Variants in EPS8 observed in about 807,000 individuals in gnomAD.
The protein encoded by EPS8 is epidermal growth factor receptor kinase substrate 8.
Under a neutral mutation model 103.8 loss-of-function variants are expected in EPS8, and 42 were observed. That is an observed-to-expected ratio of 0.40 (90% CI 0.32 to 0.52). The LOEUF (loss-of-function observed/expected upper bound fraction) is 0.52. Among genes scored for constraint, EPS8 ranks in the 20% least tolerant of loss-of-function variants. The pLI is 0.40. For missense variants in EPS8, 969 were observed against 1,005.1 expected (o/e 0.96, Z 0.49); for synonymous variants, 344 against 344.6 (o/e 1.00, Z 0.02).
rs1296896886 is a variant in EPS8 at position 15,789,205 on chromosome 12, G to C, written c.-66C>G. The C allele has an allele frequency of 6.6e-6, 1 of 152,156 alleles. No homozygotes were observed. Among genetic ancestry groups the C allele is most frequent in the Non-Finnish European group, 1.5e-5 (1 of 68,032 alleles). 9.4% of individuals were successfully genotyped at this position (152,156 alleles called of 1,614,324 possible). A position where few individuals can be genotyped will look rare whatever the true frequency, so the allele number is the denominator to read the frequency against. On this transcript the variant is annotated 5_prime_UTR_variant, in exon 1 of 21. Transcript: ENST00000281172. This position sits in a 1 kb window ranked among gnomAD's most constrained non-coding sequence, Gnocchi z 6.1. Reference sequence around the variant, plus strand: ...CCACGGCTTTCCCCGGAGACGCCGCGAGCCCAGACGAGGTGGGAGGGGACC... The same window carrying C: ...CCACGGCTTTCCCCGGAGACGCCGCCAGCCCAGACGAGGTGGGAGGGGACC...
chr12:15,623,057 A>G (rs1944885379), intron 20 of EPS8, 101 bp downstream of exon 20: 21 of 1,139,360 alleles, frequency 1.8e-5, no homozygotes. Context: ...AATTTAATTC[A>G]GCTCTGTTAA....
At chr12:15,770,961 C>T (rs1947148215) in intron 1 of EPS8, among the ~76,000 whole-genome samples, 1 of 152,046 alleles carries the variant, frequency 6.6e-6, no homozygotes, top group South Asian at 2.1e-4. Context: ...AAGGCCTGTC[C>T]AAAAGTAAAA....
rs143211337 is a variant in EPS8, at chr12:15,738,867, G to A, written c.-22+50294C>T. On this transcript the variant is annotated intron_variant, in intron 1 of 20. Coordinates refer to ENST00000281172, the MANE Select transcript of EPS8 (RefSeq NM_004447.6). This position sits in a 1 kb window ranked among gnomAD's most constrained non-coding sequence, Gnocchi z 6.2. ...AGGACCTCAGATTAAATCATTAAGC[G>A]TGCCACGTTAAACAGTCCATGGTGG... 1.3e-4 allele frequency among the ~76,000 whole-genome samples: 20 copies of A among 152,210 alleles called. No homozygotes were observed. The East Asian group carries it at 1.4e-3, about 10-fold the overall frequency.
chr12:15,678,861 C>T (rs1361320470), intron 3 of EPS8, among the ~76,000 whole-genome samples: 1 of 148,804 alleles, frequency 6.7e-6, no homozygotes, highest in Non-Finnish European at 1.5e-5. Flanking sequence ...CTGCAGTGAG[C>T]CGAGATTGCA....
intron 1 of EPS8, among the ~76,000 whole-genome samples, chr12:15,686,726 T>C (rs1946100989): frequency 1.3e-5 from 2 of 152,160 alleles, no homozygotes; most frequent in African/African-American, 4.8e-5. Context: ...AGTTTTAGAT[T>C]CCTTTTCTTT....
At position 15,717,051 on chromosome 12, in the gene EPS8, TAA is replaced by T. The variant is rs1000310605; in HGVS notation, c.-21-34081_-21-34080del. Among the ~76,000 whole-genome samples the T allele has an allele frequency of 6.6e-5, 10 of 152,334 alleles. No individual in the cohort carries two copies. In the South Asian group the frequency reaches 1.2e-3, roughly 19 times the overall value. The stretch of plus-strand genomic sequence containing the variant: ...TATCAAATTTCAATTACATACATGC[TAA>T]GTTAGTTAAATTTGTATGGATACAA... On this transcript the variant is annotated intron_variant, in intron 1 of 20. Coordinates refer to ENST00000281172, the MANE Select transcript of EPS8 (RefSeq NM_004447.6). This position sits in a 1 kb window ranked among gnomAD's most constrained non-coding sequence, Gnocchi z 4.3.
chr12:15,707,547 A>G lies in EPS8; in HGVS notation c.-21-24575T>C, dbSNP rs138526759. 2.5e-3 allele frequency among the ~76,000 whole-genome samples: 381 copies of G among 151,910 alleles called. 1 individual carries two copies. Among genetic ancestry groups the G allele is most frequent in the African/African-American group, 8.4e-3 (348 of 41,426 alleles). ...TCTGTAAGGGCCTGTAAGGTAACTCACTACCTTAAAAAAAAAAAAAATCAC... is the reference window on the plus strand; with the variant it reads ...TCTGTAAGGGCCTGTAAGGTAACTCGCTACCTTAAAAAAAAAAAAAATCAC... On this transcript the variant is annotated intron_variant, in intron 1 of 20. Transcript: ENST00000281172.
intron 17 of EPS8, among the ~76,000 whole-genome samples, chr12:15,637,894 C>T (rs531069657): frequency 1.3e-5 from 2 of 152,204 alleles, no homozygotes; most frequent in South Asian, 2.1e-4. Context: ...ATCTGCTCGG[C>T]GCTAGGCTTT....
Position 15,650,903 on chromosome 12 carries a change from C to T in EPS8, c.1354G>A (p.Asp452Asn). The change falls in exon 14 of 21, where the codon GAT becomes AAT. Residue 452 changes from aspartate (D) to asparagine (N), a missense_variant. Coordinates refer to ENST00000281172, the MANE Select transcript of EPS8 (RefSeq NM_004447.6). ...ACAGATTCTGCCAGTTGATAAAGAT[C>T]TTGTTCCATTGTGGCTCCCATAAAG... Reference protein sequence around the residue: ...LNFMGATMEQDLYQLAESVAN... With the variant: ...LNFMGATMEQNLYQLAESVAN... 1 of 1,614,064 alleles carries T rather than the reference C, an allele frequency of 6.2e-7. No individual in the cohort carries two copies. Among genetic ancestry groups the T allele is most frequent in the Non-Finnish European group, 8.5e-7 (1 of 1,179,978 alleles).
intron 14 of EPS8, among the ~76,000 whole-genome samples, chr12:15,648,454 G>C (rs1421237099): frequency 6.6e-6 from 1 of 152,144 alleles, no homozygotes; most frequent in African/African-American, 2.4e-5. Context: ...GAGGAGGGCT[G>C]AGTTTATCCA....
chr12:15,717,258 G>T lies in EPS8; in HGVS notation c.-21-34286C>A, dbSNP rs956313331. Among the ~76,000 whole-genome samples the T allele has an allele frequency of 6.6e-6, 1 of 152,108 alleles. No homozygotes were observed. The highest frequency in any genetic ancestry group is 1.5e-5 in the Non-Finnish European group (1 of 68,022). The stretch of plus-strand genomic sequence containing the variant: ...TGAGTCAGTATGGGTTGAAGCTATT[G>T]TTTGGCTGTAGAGCTAGGATTAAAG... On this transcript the variant is annotated intron_variant, in intron 1 of 20. Coordinates refer to ENST00000281172, the MANE Select transcript of EPS8 (RefSeq NM_004447.6). This position sits in a 1 kb window ranked among gnomAD's most constrained non-coding sequence, Gnocchi z 4.3.
At chr12:15,768,393 A>G (rs1947118917) in intron 1 of EPS8, among the ~76,000 whole-genome samples, 1 of 140,300 alleles carries the variant, frequency 7.1e-6, no homozygotes, top group South Asian at 2.4e-4. Context: ...AGCTGAGATT[A>G]CGCCACTGCA....
At chr12:15,715,141 T>C (rs1424434098) in intron 1 of EPS8, among the ~76,000 whole-genome samples, 1 of 152,146 alleles carries the variant, frequency 6.6e-6, no homozygotes, top group Non-Finnish European at 1.5e-5. Flanking sequence ...TCACCCAGTA[T>C]CACACTCCCT....
At chr12:15,740,682 A>G (rs1946812160) in intron 1 of EPS8, among the ~76,000 whole-genome samples, 1 of 152,200 alleles carries the variant, frequency 6.6e-6, no homozygotes, top group South Asian at 2.1e-4. Flanking sequence ...GAGAGCCAGT[A>G]CAGGCTAAAG....
At chr12:15,708,353 A>C (rs1209757238) in intron 1 of EPS8, among the ~76,000 whole-genome samples, 2 of 152,254 alleles carry the variant, frequency 1.3e-5, no homozygotes, top group African/African-American at 4.8e-5. Context: ...AGTGCTTAGC[A>C]CATAGTTAAG....
At chr12:15,622,981 T>C (rs1473049583) in intron 20 of EPS8, among the ~76,000 whole-genome samples, 177 bp downstream of exon 20, 1 of 152,226 alleles carries the variant, frequency 6.6e-6, no homozygotes, top group African/African-American at 2.4e-5. Context: ...TGAGCATTTA[T>C]AACAAATTAA....
chr12:15,724,570 T>C (rs1318252896), intron 1 of EPS8, among the ~76,000 whole-genome samples: 1 of 152,242 alleles, frequency 6.6e-6, no homozygotes, highest in Non-Finnish European at 1.5e-5. Context: ...ATCTCTGATA[T>C]GGTTTGGCTA....
chr12:15,643,515 G>A (rs1277561165), intron 15 of EPS8, among the ~76,000 whole-genome samples: 32 of 151,960 alleles, frequency 2.1e-4, no homozygotes, highest in African/African-American at 2.4e-5. Flanking sequence ...CGAGGAGGGC[G>A]GATCACCTGA....
At position 15,762,335 on chromosome 12, in the gene EPS8, G is replaced by A. The variant is rs191830985; in HGVS notation, c.-22+26826C>T. ...AAGGGAACCCTCATACACTGTTGGT[G>A]GCGATGTAAATTACTGCAACCGCTA... is the stretch of plus-strand genomic sequence containing the variant. On this transcript the variant is annotated intron_variant, in intron 1 of 20. Coordinates refer to ENST00000281172, the MANE Select transcript of EPS8 (RefSeq NM_004447.6). The surrounding 1 kb of genome is among the most constrained non-coding windows in gnomAD (Gnocchi z 4.8). Among the ~76,000 whole-genome samples, 105 of 152,292 alleles carry A rather than the reference G, an allele frequency of 6.9e-4. 1 individual carries two copies. Among genetic ancestry groups the A allele is most frequent in the Middle Eastern group, 6.8e-3 (2 of 294 alleles).
Sources: gnomAD v4.1 joint callset for allele counts (sites outside exome capture counted in the v4.1 genomes callset) on GRCh38, gnomAD v4.1.1 for gene constraint, Gnocchi (gnomAD v3.1) non-coding constraint, MANE v1.5 for transcripts, NCBI Gene and HGNC (gene_info 2026-07-23, HGNC 2026-07-21) for gene names.